The following DDHD1 variants were observed in gnomAD, a reference collection of about 807,000 sequenced individuals.
DDHD1 encodes the protein phospholipase DDHD1.
In DDHD1, 49 loss-of-function variants were observed where a neutral mutation model predicts 96.4. That is an observed-to-expected ratio of 0.51 (90% CI 0.40 to 0.64). DDHD1 has a LOEUF of 0.64. DDHD1 is among the 30% of genes least tolerant of loss of function. The pLI is 0.00. For synonymous variants in DDHD1, 442 were observed against 446.5 expected, an observed-to-expected ratio of 0.99 and a Z score of 0.13; for missense variants, 1,106 against 1,161.2, an observed-to-expected ratio of 0.95 and a Z score of 0.69.
In DDHD1 at chr14:53,093,242, A is replaced by G. The variant is rs537128274; in HGVS notation, c.1141+74T>C. 29 of 1,450,740 alleles carry G rather than the reference A, an allele frequency of 2.0e-5. No individual in the cohort carries two copies. In the Admixed American group the frequency reaches 5.4e-4, roughly 27 times the overall value. 89.9% of individuals were successfully genotyped at this position (1,450,740 alleles called of 1,614,324 possible). A position where few individuals can be genotyped will look rare whatever the true frequency, so the allele number is the denominator to read the frequency against. On this transcript the variant is annotated intron_variant, in intron 3 of 12. Coordinates refer to ENST00000673822, the MANE Select transcript of DDHD1 (RefSeq NM_001160148.2). ...AAAACATACTAAAAACAGAATATGA[A>G]TTGTCTATTTTGAATATGAGAGAAA...
chr14:53,085,873 A>AATGATAGACTGGATTAAGAAAATGTG (rs1885903134), intron 4 of DDHD1, among the ~76,000 whole-genome samples: 1 of 152,204 alleles, frequency 6.6e-6, no homozygotes, highest in Admixed American at 6.5e-5. Flanking sequence ...AGCATGTTCA[A>AATGATAGACTGGATTAAGAAAATGTG]ACCCATTGCA....
At chr14:53,116,789 C>T (rs959539459) in intron 1 of DDHD1, among the ~76,000 whole-genome samples, 2 of 152,174 alleles carry the variant, frequency 1.3e-5, no homozygotes, top group African/African-American at 4.8e-5. Context: ...AGAAAACCAA[C>T]ATCCTAACAT....
intron 1 of DDHD1, among the ~76,000 whole-genome samples, chr14:53,134,416 T>C (rs1890082563): frequency 1.3e-5 from 2 of 152,046 alleles, no homozygotes; most frequent in Non-Finnish European, 2.9e-5. Context: ...TTTACTTTTA[T>C]ACTCACTCTT....
chr14:53,088,731 A>C (rs1420369912), intron 4 of DDHD1, among the ~76,000 whole-genome samples: 1 of 152,208 alleles, frequency 6.6e-6, no homozygotes, highest in Non-Finnish European at 1.5e-5. Context: ...ATGGACAAAA[A>C]CTGGAAGCAT....
At chr14:53,116,813 A>C (rs1204963105) in intron 1 of DDHD1, among the ~76,000 whole-genome samples, 1 of 152,216 alleles carries the variant, frequency 6.6e-6, no homozygotes, top group Non-Finnish European at 1.5e-5. Context: ...AATGAAAAGA[A>C]CTAGAGAAGC....
rs576118026 is a variant in DDHD1 at position 53,045,794 on chromosome 14, G to A, written c.*974C>T. 6.6e-6 allele frequency: 1 copy of A among 152,264 alleles called. No individual in the cohort carries two copies. Among genetic ancestry groups the A allele is most frequent in the African/African-American group, 2.4e-5 (1 of 41,552 alleles). 9.4% of individuals were successfully genotyped at this position (152,264 alleles called of 1,614,324 possible). A position where few individuals can be genotyped will look rare whatever the true frequency, so the allele number is the denominator to read the frequency against. On this transcript the variant is annotated 3_prime_UTR_variant, in exon 13 of 13. Coordinates refer to ENST00000673822, the MANE Select transcript of DDHD1 (RefSeq NM_001160148.2). ...TCAATGGCACATTGAGAAACAATGT[G>A]CACTAGTTAGTGGCATCACATCCCT...
chr14:53,075,880 T>A (rs1392402750), intron 4 of DDHD1, among the ~76,000 whole-genome samples: 1 of 152,130 alleles, frequency 6.6e-6, no homozygotes, highest in Non-Finnish European at 1.5e-5. Context: ...GCAGCACATC[T>A]TTTTTACAGC....
intron 6 of DDHD1, 31 bp downstream of exon 6, chr14:53,072,566 T>C (rs906760165): frequency 7.6e-7 from 1 of 1,321,886 alleles, no homozygotes; most frequent in Non-Finnish European, 1.0e-6. Context: ...CACTAAAAAA[T>C]ACCCACCAGC....
chr14:53,067,746 C>G lies in DDHD1; in HGVS notation c.1504-4541G>C, dbSNP rs146616697. On this transcript the variant is annotated intron_variant, in intron 6 of 12. Transcript: ENST00000673822. Reference sequence around the variant, plus strand: ...TGTTGGGATTACAGGCATCAGCCACCGTGCCCTGCCCAGCCTCTTATTTGA... The same window carrying G: ...TGTTGGGATTACAGGCATCAGCCACGGTGCCCTGCCCAGCCTCTTATTTGA... 7.5e-3 allele frequency among the ~76,000 whole-genome samples: 1,135 copies of G among 152,290 alleles called. 8 individuals carry two copies. Among genetic ancestry groups the G allele is most frequent in the Middle Eastern group, 0.02 (6 of 294 alleles).
At chr14:53,059,821 G>A (rs1341986196) in intron 8 of DDHD1, among the ~76,000 whole-genome samples, 4 of 124,698 alleles carry the variant, frequency 3.2e-5, no homozygotes, top group Admixed American at 2.0e-4. Flanking sequence ...CCAAGATCAC[G>A]CCACTGCACT....
chr14:53,081,223 C>T (rs973080302), intron 4 of DDHD1, among the ~76,000 whole-genome samples: 3 of 152,162 alleles, frequency 2.0e-5, no homozygotes, highest in Admixed American at 2.0e-4. Flanking sequence ...TCTAAAAGTT[C>T]CTTTTTTACA....
chr14:53,092,821 C>G (rs1247281892), intron 3 of DDHD1: 4 of 152,944 alleles, frequency 2.6e-5, no homozygotes, highest in Non-Finnish European at 5.8e-5. Flanking sequence ...TGTACTCCAG[C>G]CTGGGAGACA....
At chr14:53,079,450 C>G (rs1297660658) in intron 4 of DDHD1, among the ~76,000 whole-genome samples, 1 of 152,018 alleles carries the variant, frequency 6.6e-6, no homozygotes, top group East Asian at 1.9e-4. Flanking sequence ...ATCAGTTTTC[C>G]TAGTTTGTGT....
chr14:53,103,604 C>G, intron 2 of DDHD1, 79 bp downstream of exon 2: 1 of 1,189,944 alleles, frequency 8.4e-7, no homozygotes, highest in Non-Finnish European at 1.1e-6. Context: ...ATTATTATGT[C>G]AAATTTACAA....
intron 4 of DDHD1, among the ~76,000 whole-genome samples, chr14:53,076,117 AC>A (rs1884940063): frequency 6.6e-6 from 1 of 152,182 alleles, no homozygotes; most frequent in Non-Finnish European, 1.5e-5. Flanking sequence ...TATTTAAGAA[AC>A]AAATTTTATA....
chr14:53,068,813 T>C (rs1358235588), intron 6 of DDHD1, among the ~76,000 whole-genome samples: 1 of 152,166 alleles, frequency 6.6e-6, no homozygotes, highest in African/African-American at 2.4e-5. Flanking sequence ...TTTAAGACCA[T>C]GTAAATATCC....
At chr14:53,117,525 C>T (rs1595208285) in intron 1 of DDHD1, among the ~76,000 whole-genome samples, 2 of 152,346 alleles carry the variant, frequency 1.3e-5, no homozygotes, top group East Asian at 3.9e-4. Context: ...CCCACACCCA[C>T]GGAGCCTTGC....
intron 1 of DDHD1, among the ~76,000 whole-genome samples, chr14:53,120,567 C>T (rs926129772): frequency 6.6e-5 from 10 of 152,130 alleles, no homozygotes; most frequent in African/African-American, 1.7e-4. Context: ...GCTACAGTAA[C>T]CAAAACAGCA....
chr14:53,107,745 C>G (rs369754872), intron 1 of DDHD1, among the ~76,000 whole-genome samples: 1 of 152,106 alleles, frequency 6.6e-6, no homozygotes, highest in South Asian at 2.1e-4. Context: ...GAGCTGAGAT[C>G]GTGCTGAGAG....
Sources: allele counts gnomAD v4.1 joint callset (sites outside exome capture counted in the v4.1 genomes callset), GRCh38; gene constraint gnomAD v4.1.1; transcripts MANE v1.5; gene names NCBI Gene and HGNC (gene_info 2026-07-23, HGNC 2026-07-21).